Variants in HLCS observed in about 807,000 individuals in gnomAD.
HLCS encodes holocarboxylase synthetase, also known as biotin--protein ligase.
HLCS carries 53 observed loss-of-function variants against 75.0 expected under a neutral mutation model. The observed-to-expected ratio is 0.71, with a 90% CI of 0.57 to 0.89. The LOEUF is 0.89. HLCS is among the 40% of genes least tolerant of loss of function. The pLI is 0.00. For missense variants in HLCS, 966 were observed against 1,074.0 expected, an observed-to-expected ratio of 0.90 and a Z score of 1.41; for synonymous variants, 431 against 428.6, an observed-to-expected ratio of 1.01 and a Z score of -0.07.
chr21:36,855,259 G>A (rs1051395751), intron 6 of HLCS, among the ~76,000 whole-genome samples: 1 of 152,084 alleles, frequency 6.6e-6, no homozygotes, highest in Non-Finnish European at 1.5e-5. Flanking sequence ...GGCCACGCAT[G>A]GTGGCTCACG....
At chr21:36,972,014 T>G (rs979997422) in intron 1 of HLCS, 1 of 152,176 alleles carries the variant, frequency 6.6e-6, no homozygotes, top group Non-Finnish European at 1.5e-5. Flanking sequence ...TAGAAGGTTG[T>G]TTGTGACCCA....
At chr21:36,810,651 G>A (rs555386947) in intron 6 of HLCS, among the ~76,000 whole-genome samples, 15 of 152,310 alleles carry the variant, frequency 9.8e-5, no homozygotes, top group African/African-American at 3.1e-4. Context: ...GAGGGATGGA[G>A]GTGGGAGGAT....
At chr21:36,857,071 T>C (rs1233969318) in intron 6 of HLCS, among the ~76,000 whole-genome samples, 1 of 152,232 alleles carries the variant, frequency 6.6e-6, no homozygotes, top group Non-Finnish European at 1.5e-5. Flanking sequence ...TCAGTTTACA[T>C]GGCGCCATGC....
At chr21:36,821,956 A>G (rs1266521825) in intron 6 of HLCS, among the ~76,000 whole-genome samples, 1 of 152,134 alleles carries the variant, frequency 6.6e-6, no homozygotes, top group Non-Finnish European at 1.5e-5. Flanking sequence ...AGCTGACAGG[A>G]GGGTCCCATC....
In HLCS at chr21:36,842,047, T is replaced by C. The variant is rs76262523; in HGVS notation, c.1892+54813A>G. On this transcript the variant is annotated intron_variant, in intron 6 of 10. Transcript: ENST00000674895. This position sits in a 1 kb window ranked among gnomAD's most constrained non-coding sequence, Gnocchi z 4.2. The stretch of plus-strand genomic sequence containing the variant: ...AATCAGATGGTTCATAACAGCATGA[T>C]TCATAATAGCCCCAAACCAGAAACA... 0.023 allele frequency among the ~76,000 whole-genome samples: 3,534 copies of C among 152,260 alleles called. 128 individuals are homozygous for C. The highest frequency in any genetic ancestry group is 0.08 in the African/African-American group (3,344 of 41,550).
chr21:36,972,629 G>C (rs373113581), intron 1 of HLCS, among the ~76,000 whole-genome samples: 2 of 152,276 alleles, frequency 1.3e-5, no homozygotes, highest in African/African-American at 2.4e-5. Context: ...ATATAGAAAG[G>C]CTTGAAAGAA....
chr21:36,791,685 C>T (rs182933809), intron 6 of HLCS, among the ~76,000 whole-genome samples: 21 of 152,092 alleles, frequency 1.4e-4, no homozygotes, highest in South Asian at 1.2e-3. Flanking sequence ...GGGGCTCAGA[C>T]AGAATGCCGA....
chr21:36,983,836 C>CAA (rs536416896), intron 1 of HLCS, among the ~76,000 whole-genome samples: 3 of 130,222 alleles, frequency 2.3e-5, no homozygotes, highest in South Asian at 2.5e-4. Flanking sequence ...GACTCCGTCT[C>CAA]AAAAAAAAAA....
intron 6 of HLCS, among the ~76,000 whole-genome samples, chr21:36,882,779 T>A (rs189188972): frequency 1.3e-5 from 2 of 152,188 alleles, no homozygotes; most frequent in Non-Finnish European, 2.9e-5. Context: ...GGTTTTTGTA[T>A]TTCATTTTTA....
intron 6 of HLCS, among the ~76,000 whole-genome samples, chr21:36,822,450 CA>C (rs1462017652): frequency 6.6e-6 from 1 of 152,136 alleles, no homozygotes; most frequent in East Asian, 1.9e-4. Flanking sequence ...AAAAAAGCAT[CA>C]ATCCTCTAAT....
intron 6 of HLCS, among the ~76,000 whole-genome samples, chr21:36,832,876 G>A (rs2062261757): frequency 1.3e-5 from 2 of 152,174 alleles, no homozygotes; most frequent in Admixed American, 1.3e-4. Context: ...GTTGTAAGGA[G>A]CCTCAGATGC....
rs573504176 is a variant in HLCS, at chr21:36,827,529, G to A, written c.1893-60244C>T. 1.8e-3 allele frequency among the ~76,000 whole-genome samples: 263 copies of A among 148,154 alleles called. 2 individuals are homozygous for A. Among genetic ancestry groups the A allele is most frequent in the African/African-American group, 6.1e-3 (244 of 40,080 alleles). ...GTGGAGGTTGCAGTGAACCAAGATCGCGCCACTGCACTCCAGCCTGGGCAA... is the reference window on the plus strand; with the variant it reads ...GTGGAGGTTGCAGTGAACCAAGATCACGCCACTGCACTCCAGCCTGGGCAA... On this transcript the variant is annotated intron_variant, in intron 6 of 10. Transcript: ENST00000674895.
At chr21:36,905,226 T>C (rs528614930) in intron 5 of HLCS, among the ~76,000 whole-genome samples, 17 of 152,332 alleles carry the variant, frequency 1.1e-4, no homozygotes, top group Non-Finnish European at 1.9e-4. Flanking sequence ...CAAAAGTGCA[T>C]GCTTAATAAG....
intron 6 of HLCS, among the ~76,000 whole-genome samples, chr21:36,828,069 C>A (rs1003682827): frequency 5.9e-5 from 9 of 152,004 alleles, no homozygotes; most frequent in Non-Finnish European, 1.3e-4. Context: ...TGCCTTGGCC[C>A]CCCAAAGTGC....
chr21:36,844,634 T>C (rs2062732087), intron 6 of HLCS, among the ~76,000 whole-genome samples: 1 of 151,938 alleles, frequency 6.6e-6, no homozygotes, highest in Non-Finnish European at 1.5e-5. Context: ...TCTTTGTCAC[T>C]CACGGTCAGT....
chr21:36,959,392 T>C (rs1464565716), intron 2 of HLCS, among the ~76,000 whole-genome samples: 3 of 152,294 alleles, frequency 2.0e-5, no homozygotes, highest in African/African-American at 7.2e-5. Flanking sequence ...TGAGGACGGC[T>C]GGTTGCAGGC....
chr21:36,937,723 G>GT (rs1270958054), intron 3 of HLCS, among the ~76,000 whole-genome samples: 1 of 152,132 alleles, frequency 6.6e-6, no homozygotes. Flanking sequence ...TCTATTTCTT[G>GT]GGTGTTATTC....
At chr21:36,972,017 G>C (rs2068805536) in intron 1 of HLCS, 1 of 152,104 alleles carries the variant, frequency 6.6e-6, no homozygotes, top group East Asian at 1.9e-4. Flanking sequence ...AAGGTTGTTT[G>C]TGACCCAAGA....
rs185222469 is a variant in HLCS, at chr21:36,961,992, G to C, written c.330+44C>G. The C allele has an allele frequency of 1.0e-3, 1,119 of 1,088,338 alleles. 5 individuals carry two copies. In the African/African-American group the frequency reaches 0.015, roughly 15 times the overall value. The allele number at this position is 1,088,338 out of a possible 1,614,324, so 67.4% of individuals were successfully genotyped here. On this transcript the variant is annotated intron_variant, in intron 2 of 10. Transcript: ENST00000674895. ...AAAAAGCAAATTTGGTTTTGACTAA[G>C]ACACATCAGTTCCTTATGGGACACA...
Sources: allele counts gnomAD v4.1 joint callset (sites outside exome capture counted in the v4.1 genomes callset), GRCh38; gene constraint gnomAD v4.1.1; non-coding constraint Gnocchi (gnomAD v3.1); transcripts MANE v1.5; gene names NCBI Gene and HGNC (gene_info 2026-07-23, HGNC 2026-07-21).